The following GLIS3 variants were observed in gnomAD, a reference collection of about 807,000 sequenced individuals.
GLIS3 encodes GLIS family zinc finger 3.
A neutral mutation model predicts 78.6 loss-of-function variants in GLIS3; 53 were observed. The observed-to-expected ratio is 0.67, with a 90% CI of 0.54 to 0.85. The LOEUF (loss-of-function observed/expected upper bound fraction) is 0.85, where lower values mean the gene tolerates loss of function less well. GLIS3 is among the 40% of genes least tolerant of loss of function. The probability of loss-of-function intolerance (pLI) is 0.00; values close to 1 mark genes in which losing one functional copy is unlikely to be tolerated. For missense variants in GLIS3, 1,703 were observed against 1,231.1 expected (o/e 1.38, Z -5.74); for synonymous variants, 684 against 509.9 (o/e 1.34, Z -4.60).
chr9:4,128,234 T>G (rs748265510), intron 2 of GLIS3, among the ~76,000 whole-genome samples: 1 of 152,240 alleles, frequency 6.6e-6, no homozygotes, highest in Non-Finnish European at 1.5e-5. Context: ...ACCTCCTATA[T>G]GACCTCCTCC....
chr9:4,280,724 T>C (rs1827469601), intron 2 of GLIS3, among the ~76,000 whole-genome samples: 1 of 152,202 alleles, frequency 6.6e-6, no homozygotes, highest in South Asian at 2.1e-4. Flanking sequence ...TTTTCTCTTT[T>C]GCCTTTTATC....
At chr9:4,066,037 T>TAAAAAAAAA (rs375649097) in intron 4 of GLIS3, among the ~76,000 whole-genome samples, 3 of 95,772 alleles carry the variant, frequency 3.1e-5, no homozygotes, top group African/African-American at 4.2e-5. Context: ...ACCCAAAGAA[T>TAAAAAAAAA]ATAAAAAAAA....
intron 4 of GLIS3, among the ~76,000 whole-genome samples, chr9:3,939,234 C>T (rs1289970275): frequency 3.3e-5 from 5 of 152,096 alleles, no homozygotes; most frequent in Middle Eastern, 3.2e-3. Flanking sequence ...AGGATGAGAG[C>T]GGAGAACTAC....
chr9:4,452,742 A>C, the GLIS3 span, among the ~76,000 whole-genome samples: 1 of 152,192 alleles, frequency 6.6e-6, no homozygotes. Flanking sequence ...TGGCCATACT[A>C]TCCAAAGTAA....
At chr9:4,457,203 A>T in the GLIS3 span, among the ~76,000 whole-genome samples, 2 of 151,990 alleles carry the variant, frequency 1.3e-5, no homozygotes, top group Non-Finnish European at 2.9e-5. Context: ...TCTCTATAAA[A>T]ATAAAAAATT....
intron 2 of GLIS3, among the ~76,000 whole-genome samples, chr9:4,214,136 A>G (rs1384391359): frequency 6.6e-6 from 1 of 152,198 alleles, no homozygotes; most frequent in Non-Finnish European, 1.5e-5. Flanking sequence ...ATATCAAACA[A>G]AACTCATGGT....
chr9:4,198,430 T>G (rs540653763), intron 2 of GLIS3, among the ~76,000 whole-genome samples: 1 of 138,414 alleles, frequency 7.2e-6, no homozygotes, highest in African/African-American at 2.8e-5. Context: ...ATTTCATCAA[T>G]AGACTGAACC....
At chr9:3,880,784 T>C (rs1447152034) in intron 7 of GLIS3, among the ~76,000 whole-genome samples, 1 of 152,212 alleles carries the variant, frequency 6.6e-6, no homozygotes, top group Non-Finnish European at 1.5e-5. Flanking sequence ...AGTTCAAGTA[T>C]TTCAAGGAAC....
the GLIS3 span, among the ~76,000 whole-genome samples, chr9:4,452,552 G>A: frequency 6.6e-6 from 1 of 152,130 alleles, no homozygotes; most frequent in Non-Finnish European, 1.5e-5. Context: ...CAAATCATGA[G>A]TTACCTTCCA....
In GLIS3 at chr9:3,829,302, C is replaced by G. The variant is rs1817905872; in HGVS notation, c.2656+8G>C. ...CAGGATTTTCTAAGTCACAGACAACCAACACACCTGTAATGCCCGAGTGAG... is the reference window on the plus strand; with the variant it reads ...CAGGATTTTCTAAGTCACAGACAACGAACACACCTGTAATGCCCGAGTGAG... On this transcript the variant is annotated splice_region_variant and intron_variant, in intron 10 of 10. Coordinates refer to ENST00000381971, the MANE Select transcript of GLIS3 (RefSeq NM_001042413.2). 1.9e-6 allele frequency: 3 copies of G among 1,613,436 alleles called. No homozygotes were observed. Among genetic ancestry groups the G allele is most frequent in the Non-Finnish European group, 2.5e-6 (3 of 1,179,564 alleles).
chr9:4,023,568 G>A (rs79174853), intron 4 of GLIS3, among the ~76,000 whole-genome samples: 1,772 of 152,258 alleles, frequency 0.012, 46 homozygotes, highest in African/African-American at 0.04. Flanking sequence ...GTTAAGAGAC[G>A]TGTTAGATTT....
At chr9:4,382,689 A>C in the GLIS3 span, among the ~76,000 whole-genome samples, 1 of 152,182 alleles carries the variant, frequency 6.6e-6, no homozygotes, top group African/African-American at 2.4e-5. Flanking sequence ...AAAATTCTAG[A>C]GTGATGAGTG....
chr9:4,111,282 G>A (rs1831190231), intron 4 of GLIS3, among the ~76,000 whole-genome samples: 1 of 152,136 alleles, frequency 6.6e-6, no homozygotes, highest in African/African-American at 2.4e-5. Flanking sequence ...GTTTAATGAG[G>A]ATAAAGCCTC....
rs190873534 is a variant in GLIS3 at position 3,893,531 on chromosome 9, A to C, written c.2128+5160T>G. On this transcript the variant is annotated intron_variant, in intron 7 of 10. Transcript: ENST00000381971. ...ACGCTGCTGTGGGGTGACAAGCAAAATATCCACCTATAGGTTTTATGTAGT... is the reference window on the plus strand; with the variant it reads ...ACGCTGCTGTGGGGTGACAAGCAAACTATCCACCTATAGGTTTTATGTAGT... 4.1e-4 allele frequency among the ~76,000 whole-genome samples: 62 copies of C among 152,292 alleles called. 1 individual carries two copies. The highest frequency in any genetic ancestry group is 3.4e-3 in the Middle Eastern group (1 of 294).
At chr9:3,856,286 A>G in intron 8 of GLIS3, 102 bp from the exon 9 acceptor site, 1 of 1,026,574 alleles carries the variant, frequency 9.7e-7, no homozygotes, top group Non-Finnish European at 1.5e-6. Flanking sequence ...TGGCTATACA[A>G]GAGCGTGACA....
the GLIS3 span, among the ~76,000 whole-genome samples, chr9:4,438,774 C>T: frequency 2.7e-4 from 41 of 152,246 alleles, no homozygotes; most frequent in African/African-American, 7.5e-4. Context: ...TCTTGCCTGC[C>T]GCCATGTAGG....
chr9:3,967,010 GCA>G (rs1491577813), intron 4 of GLIS3, among the ~76,000 whole-genome samples: 1 of 27,858 alleles, frequency 3.6e-5, no homozygotes, highest in Non-Finnish European at 7.2e-5. Context: ...ATTTCTTTCT[GCA>G]AAAAAAAAAA....
intron 2 of GLIS3, among the ~76,000 whole-genome samples, chr9:4,268,395 A>G (rs1033728119): frequency 2.0e-5 from 3 of 152,160 alleles, no homozygotes; most frequent in Non-Finnish European, 4.4e-5. Context: ...TTCAAATATA[A>G]TTGAGACTAT....
intron 4 of GLIS3, among the ~76,000 whole-genome samples, chr9:3,968,421 A>G (rs1433920833): frequency 1.3e-5 from 2 of 152,250 alleles, no homozygotes; most frequent in East Asian, 1.9e-4. Flanking sequence ...TAAAGGAGGT[A>G]GCATTTTCAG....
Sources: allele counts gnomAD v4.1 joint callset (sites outside exome capture counted in the v4.1 genomes callset), GRCh38; gene constraint gnomAD v4.1.1; transcripts MANE v1.5; gene names NCBI Gene and HGNC (gene_info 2026-07-23, HGNC 2026-07-21).